Variants in SOAT2 observed in about 807,000 individuals in gnomAD.
The protein encoded by SOAT2 is ACAT-2.
In SOAT2, 87 loss-of-function variants were observed where a neutral mutation model predicts 76.0. That is an observed-to-expected ratio of 1.14 (90% CI 0.96 to 1.37). The LOEUF (loss-of-function observed/expected upper bound fraction) is 1.37. SOAT2 is among the 40% of genes most tolerant of loss of function. The pLI, the probability that SOAT2 is intolerant of heterozygous loss-of-function variation, is 0.00. For synonymous variants in SOAT2, 285 were observed against 275.4 expected, an observed-to-expected ratio of 1.03 and a Z score of -0.34; for missense variants, 686 against 682.1, an observed-to-expected ratio of 1.01 and a Z score of -0.06.
rs1937918995 is a variant in SOAT2, at chr12:53,105,371, T to G, written c.275+128T>G. ...AGCCTTCCCTCTTCCCCCCTTGTCT[T>G]CCTAACACTGACCTCCATCTACTGG... On this transcript the variant is annotated intron_variant, in intron 3 of 14. Coordinates refer to ENST00000301466, the MANE Select transcript of SOAT2 (RefSeq NM_003578.4). 4.6e-6 allele frequency: 6 copies of G among 1,304,046 alleles called. No individual in the cohort carries two copies. In the South Asian group the frequency reaches 8.5e-5, roughly 18 times the overall value. 80.8% of individuals were successfully genotyped at this position (1,304,046 alleles called of 1,614,324 possible).
intron 5 of SOAT2, among the ~76,000 whole-genome samples, chr12:53,113,169 AC>A: frequency 6.6e-6 from 1 of 152,292 alleles, no homozygotes; most frequent in African/African-American, 2.4e-5. Flanking sequence ...GGGGGAGTGC[AC>A]TCAGGCAAAA....
chr12:53,115,449 T>A lies in SOAT2; in HGVS notation c.503T>A (p.Val168Glu). 6.2e-7 allele frequency: 1 copy of A among 1,612,634 alleles called. No homozygotes were observed. ...TTCGGACAGCTGCCATTGGCGCTGGTGACCTGGGTGCCCATGTTTCTGTCC... is the reference window on the plus strand; with the variant it reads ...TTCGGACAGCTGCCATTGGCGCTGGAGACCTGGGTGCCCATGTTTCTGTCC... ...FSFGQLPLAL[V>E]TWVPMFLSTL... The change falls in exon 6 of 15, where the codon GTG (valine) becomes GAG (glutamate). Residue 168 changes from valine (V) to glutamate (E), a missense_variant. Physicochemically the swap from Val to Glu is moderately radical, Grantham distance 121. Transcript: ENST00000301466.
Position 53,115,480 on chromosome 12 carries a change from G to A in SOAT2, c.534G>A (p.Leu178=). Residue 178 remains leucine, a synonymous_variant, in exon 6 of 15, where the codon CTG becomes CTA. Transcript: ENST00000301466. ...GGGTGCCCATGTTTCTGTCCACCCT[G>A]TTGGCGCCGTACCAGGCCCTACGGC... ...VTWVPMFLST[L]LAPYQALRLW... 1 of 1,611,728 alleles carries A rather than the reference G, an allele frequency of 6.2e-7. No individual in the cohort carries two copies. The highest frequency in any genetic ancestry group is 1.3e-5 in the African/African-American group (1 of 75,080).
intron 5 of SOAT2, among the ~76,000 whole-genome samples, chr12:53,113,181 C>G (rs145303459): frequency 1.3e-5 from 2 of 152,288 alleles, no homozygotes; most frequent in Middle Eastern, 3.4e-3. Flanking sequence ...TCAGGCAAAA[C>G]AGACTCAAAA....
intron 5 of SOAT2, among the ~76,000 whole-genome samples, chr12:53,114,458 C>G (rs1444163261): frequency 6.6e-6 from 1 of 152,056 alleles, no homozygotes; most frequent in Non-Finnish European, 1.5e-5. Context: ...CAGTGGCTCA[C>G]GCCTGTAATC....
At position 53,117,185 on chromosome 12, in the gene SOAT2, T is replaced by G. The variant is rs375640283; in HGVS notation, c.778+1019T>G. On this transcript the variant is annotated intron_variant, in intron 7 of 14. Transcript: ENST00000301466. ...CATGTTGGCCAGGGTGGTCTCGAAC[T>G]CCTGACCTCCAGTGATCCACCCACC... Among the ~76,000 whole-genome samples the G allele has an allele frequency of 3.3e-5, 5 of 151,516 alleles. No homozygotes were observed. In the East Asian group the frequency reaches 7.8e-4, roughly 24 times the overall value.
intron 1 of SOAT2, among the ~76,000 whole-genome samples, 159 bp downstream of exon 1, chr12:53,103,818 G>A (rs1395026109): frequency 6.6e-6 from 1 of 152,246 alleles, no homozygotes; most frequent in Non-Finnish European, 1.5e-5. Context: ...GAGCCACCCA[G>A]CTGGAAGATG....
At chr12:53,118,812 G>A (rs1277350850) in intron 8 of SOAT2, 78 bp from the exon 9 acceptor site, 11 of 1,516,102 alleles carry the variant, frequency 7.3e-6, no homozygotes, top group African/African-American at 2.7e-5. Flanking sequence ...AGGAGAGAGG[G>A]CCCCAGAACC....
intron 5 of SOAT2, 139 bp from the exon 6 acceptor site, chr12:53,115,251 G>A (rs1268777094): frequency 7.4e-6 from 7 of 949,858 alleles, no homozygotes; most frequent in South Asian, 5.1e-5. Flanking sequence ...CAGAGGTGCC[G>A]TCTTGAACAC....
chr12:53,107,336 T>C (rs1937951203), intron 5 of SOAT2, among the ~76,000 whole-genome samples: 1 of 152,146 alleles, frequency 6.6e-6, no homozygotes, highest in Non-Finnish European at 1.5e-5. Flanking sequence ...AGGCAGCACC[T>C]GCTGAAACAT....
Position 53,115,390 on chromosome 12 carries a change from G to T in SOAT2, c.444G>T (p.Arg148Ser). 1 of 1,598,762 alleles carries T rather than the reference G, an allele frequency of 6.3e-7. No homozygotes were observed. Among genetic ancestry groups the T allele is most frequent in the Non-Finnish European group, 8.5e-7 (1 of 1,171,594 alleles). The change falls in exon 6 of 15, where the codon AGG becomes AGT. Residue 148 changes from arginine to serine, a missense_variant and splice_region_variant. By Grantham distance (110) the Arg-to-Ser change is moderately radical (BLOSUM62 -1). Transcript: ENST00000301466. ...TLAIDFIDEG[R>S]LLLEFDLLIF... ...TTTGTCTCTCCTTCCCCACTCCAAGGCTGCTGCTGGAGTTTGACCTACTGA... is the reference window on the plus strand; with the variant it reads ...TTTGTCTCTCCTTCCCCACTCCAAGTCTGCTGCTGGAGTTTGACCTACTGA...
chr12:53,103,589 C>A lies in SOAT2; in HGVS notation c.12C>A (p.Gly4=). 6.5e-7 allele frequency: 1 copy of A among 1,546,434 alleles called. No homozygotes were observed. The highest frequency in any genetic ancestry group is 8.7e-7 in the Non-Finnish European group (1 of 1,146,790). The change falls in exon 1 of 15, where the codon GGC becomes GGA. Residue 4 remains glycine, a synonymous_variant. Coordinates refer to ENST00000301466, the MANE Select transcript of SOAT2 (RefSeq NM_003578.4). ...CTGGAGACCGCACCATGGAGCCAGGCGGGGCCCGTCTGCGTCTGCAGAGGA... is the reference window on the plus strand; with the variant it reads ...CTGGAGACCGCACCATGGAGCCAGGAGGGGCCCGTCTGCGTCTGCAGAGGA... MEP[G]GARLRLQRTE... is the part of the protein sequence containing the mutation.
Position 53,119,036 on chromosome 12 carries a change from A to C in SOAT2, c.910-88A>C, listed in dbSNP as rs1308511913. ...GGCAGTGGGAGGGTGATGCCAAGGGAAGAGAAGGCCAGTGCTGGGCCAGAG... is the reference window on the plus strand; with the variant it reads ...GGCAGTGGGAGGGTGATGCCAAGGGCAGAGAAGGCCAGTGCTGGGCCAGAG... On this transcript the variant is annotated intron_variant, in intron 9 of 14. Coordinates refer to ENST00000301466, the MANE Select transcript of SOAT2 (RefSeq NM_003578.4). 3.1e-6 allele frequency: 5 copies of C among 1,610,096 alleles called. No homozygotes were observed. The Admixed American group carries it at 8.3e-5, about 27-fold the overall frequency.
intron 8 of SOAT2, 66 bp from the exon 9 acceptor site, chr12:53,118,824 G>A (rs962122263): frequency 2.5e-5 from 39 of 1,587,692 alleles, no homozygotes; most frequent in South Asian, 7.7e-5. Context: ...CCCAGAACCC[G>A]TGCCCAGGCT....
rs565433465 is a variant in SOAT2 at position 53,112,569 on chromosome 12, G to A, written c.444-2821G>A. On this transcript the variant is annotated intron_variant, in intron 5 of 14. Transcript: ENST00000301466. The stretch of plus-strand genomic sequence containing the variant: ...TCAAAAAAAAAAAAAAAAAGACAAG[G>A]TCCTAGGAGAGAAATAAAAACAAAA... 3.1e-3 allele frequency among the ~76,000 whole-genome samples: 446 copies of A among 145,150 alleles called. 2 individuals are homozygous for A. Among genetic ancestry groups the A allele is most frequent in the Middle Eastern group, 7.2e-3 (2 of 278 alleles).
chr12:53,110,923 A>T (rs927014644), intron 5 of SOAT2, among the ~76,000 whole-genome samples: 1 of 151,970 alleles, frequency 6.6e-6, no homozygotes, highest in African/African-American at 2.4e-5. Flanking sequence ...TAAGGTTTGA[A>T]TTAGACAAAA....
intron 13 of SOAT2, 104 bp from the exon 14 acceptor site, chr12:53,123,624 G>A: frequency 4.4e-6 from 6 of 1,360,478 alleles, no homozygotes; most frequent in Non-Finnish European, 4.1e-6. Flanking sequence ...CTTCTCCAAT[G>A]GGGCCTTCTT....
chr12:53,107,221 C>A (rs1484258864), intron 5 of SOAT2, among the ~76,000 whole-genome samples: 3 of 152,142 alleles, frequency 2.0e-5, no homozygotes, highest in Non-Finnish European at 4.4e-5. Flanking sequence ...ATCTTTCTGG[C>A]TACTTCCTGC....
At chr12:53,116,187 G>T (rs200310629) in intron 7 of SOAT2, 21 bp downstream of exon 7, 2 of 1,606,384 alleles carry the variant, frequency 1.2e-6, no homozygotes, top group Admixed American at 3.3e-5. Flanking sequence ...CATCTTGCCC[G>T]GTTGTGAACT....
Sources: allele counts gnomAD v4.1 joint callset (sites outside exome capture counted in the v4.1 genomes callset), GRCh38; gene constraint gnomAD v4.1.1; transcripts MANE v1.5; gene names NCBI Gene and HGNC (gene_info 2026-07-23, HGNC 2026-07-21).